Variants in UGT2B17 observed in about 807,000 individuals in gnomAD.
The protein encoded by UGT2B17 is UDP-glucuronosyltransferase 2B17.
UGT2B17 carries 21 observed loss-of-function variants against 48.2 expected under a neutral mutation model. That is an observed-to-expected ratio of 0.44 (90% CI 0.31 to 0.63). The LOEUF (loss-of-function observed/expected upper bound fraction) is 0.63, where lower values mean the gene tolerates loss of function less well. UGT2B17 is among the 20% of genes least tolerant of loss of function. The pLI is 0.08. For missense variants in UGT2B17, 402 were observed against 696.1 expected, an observed-to-expected ratio of 0.58 and a Z score of 4.75; for synonymous variants, 146 against 238.4, an observed-to-expected ratio of 0.61 and a Z score of 3.57.
In UGT2B17 at chr4:68,549,666, T is replaced by C. The variant is rs1161384841; in HGVS notation, c.1313+1011A>G. ...AGGTGATAACAAGTGTTGGGAAGAG[T>C]GTGAAGAAATTAGAGCCCTCCTATC... On this transcript the variant is annotated intron_variant, in intron 6 of 6. Transcript: ENST00000317746. 8.1e-5 allele frequency among the ~76,000 whole-genome samples: 10 copies of C among 123,726 alleles called. 3 individuals are homozygous for C. Among genetic ancestry groups the C allele is most frequent in the African/African-American group, 2.5e-4 (9 of 36,206 alleles). 81.2% of individuals were successfully genotyped at this position (123,726 alleles called of 152,430 possible). A position where few individuals can be genotyped will look rare whatever the true frequency, so the allele number is the denominator to read the frequency against.
chr4:68,571,208 A>T (rs1216784881), intron 1 of UGT2B17, among the ~76,000 whole-genome samples: 2 of 125,294 alleles, frequency 1.6e-5, no homozygotes, highest in African/African-American at 5.5e-5. Context: ...GGGGCTATTT[A>T]TCATCTTTTC....
Position 68,545,498 on chromosome 4 carries a change from C to T in UGT2B17, c.1313+5179G>A, listed in dbSNP as rs1298503467. ...GAAACATCTAAAATTGACACCCTAA[C>T]GTCACAATTAAAAGAACTAGAGAAG... is the stretch of plus-strand genomic sequence containing the variant. On this transcript the variant is annotated intron_variant, in intron 6 of 6. Transcript: ENST00000317746. 4.8e-5 allele frequency among the ~76,000 whole-genome samples: 6 copies of T among 125,056 alleles called. 2 individuals carry two copies. Among genetic ancestry groups the T allele is most frequent in the African/African-American group, 8.2e-5 (3 of 36,446 alleles). The allele number at this position is 125,056 out of a possible 152,430, so 82.0% of individuals were successfully genotyped here. A position where few individuals can be genotyped will look rare whatever the true frequency, so the allele number is the denominator to read the frequency against.
intron 4 of UGT2B17, among the ~76,000 whole-genome samples, chr4:68,555,227 A>C (rs1730980270): frequency 7.9e-6 from 1 of 126,198 alleles, no homozygotes; most frequent in African/African-American, 2.7e-5. Flanking sequence ...TTAAGGTGTC[A>C]AAATTTGACA....
At chr4:68,574,884 G>T (rs1578175023) in intron 1 of UGT2B17, among the ~76,000 whole-genome samples, 1 of 120,272 alleles carries the variant, frequency 8.3e-6, no homozygotes, top group African/African-American at 2.9e-5. Context: ...TAAACAACAA[G>T]TTAATTTATT....
At chr4:68,554,247 G>A (rs1387946989) in intron 4 of UGT2B17, among the ~76,000 whole-genome samples, 2 of 123,804 alleles carry the variant, frequency 1.6e-5, no homozygotes. Context: ...GAAAAAAAGT[G>A]GGAAACAAAT....
chr4:68,561,852 G>A (rs538702075), intron 3 of UGT2B17, among the ~76,000 whole-genome samples: 2 of 120,382 alleles, frequency 1.7e-5, no homozygotes, highest in South Asian at 4.0e-4. Context: ...TAAGTTTCCC[G>A]GATATCATAT....
chr4:68,545,944 C>G (rs1300135535), intron 6 of UGT2B17, among the ~76,000 whole-genome samples: 1 of 125,320 alleles, frequency 8.0e-6, no homozygotes, highest in Non-Finnish European at 1.7e-5. Context: ...AGCTTACCAA[C>G]CAAAAAAAGT....
rs768149657 is a variant in UGT2B17 at position 68,573,795 on chromosome 4, T to C, written c.-65+2156A>G. Among the ~76,000 whole-genome samples the C allele has an allele frequency of 8.7e-5, 11 of 126,970 alleles. 5 individuals carry two copies. In the East Asian group the frequency reaches 8.4e-3, roughly 97 times the overall value. 83.3% of individuals were successfully genotyped at this position (126,970 alleles called of 152,430 possible). On this transcript the variant is annotated intron_variant, in intron 1 of 6. Coordinates refer to ENST00000317746, the MANE Select transcript of UGT2B17 (RefSeq NM_001077.4). ...GATAAGCTCTTGAAAATTCTTAAGC[T>C]CACTGCATCCTTTTAGGTCTCCAAG...
chr4:68,547,894 TA>T (rs1232185011), intron 6 of UGT2B17, among the ~76,000 whole-genome samples: 1 of 126,190 alleles, frequency 7.9e-6, no homozygotes, highest in Non-Finnish European at 1.7e-5. Context: ...TCACCCCAGT[TA>T]GAATGGCAAT....
chr4:68,570,688 G>A lies in UGT2B17; in HGVS notation c.-64-2140C>T, dbSNP rs187223181. On this transcript the variant is annotated intron_variant, in intron 1 of 6. Transcript: ENST00000317746. ...TGCTGAAGCATTTTGTTGAACTAAG[G>A]TAGCGATGAAGCTTTTTATCATTTG... Among the ~76,000 whole-genome samples, 49 of 126,128 alleles carry A rather than the reference G, an allele frequency of 3.9e-4. 10 individuals are homozygous for A. The highest frequency in any genetic ancestry group is 1.3e-3 in the African/African-American group (47 of 36,820). 82.7% of individuals were successfully genotyped at this position (126,128 alleles called of 152,430 possible).
intron 6 of UGT2B17, among the ~76,000 whole-genome samples, chr4:68,539,863 C>T (rs1177956172): frequency 2.6e-5 from 3 of 113,768 alleles, no homozygotes; most frequent in African/African-American, 6.1e-5. Context: ...TGGCTGACTG[C>T]AACTTACGTC....
At chr4:68,567,260 T>C (rs1731217110) in intron 2 of UGT2B17, among the ~76,000 whole-genome samples, 1 of 125,962 alleles carries the variant, frequency 7.9e-6, no homozygotes, top group Non-Finnish European at 1.7e-5. Flanking sequence ...AGGCTTCTGT[T>C]TCTGGAGTAG....
At chr4:68,563,547 T>C (rs1375938098) in intron 3 of UGT2B17, among the ~76,000 whole-genome samples, 2 of 126,090 alleles carry the variant, frequency 1.6e-5, no homozygotes, top group African/African-American at 5.4e-5. Flanking sequence ...ACCTAGAGGG[T>C]GGAGGTTGCA....
rs1479890580 is a variant in UGT2B17, at chr4:68,544,395, G to T, written c.1313+6282C>A. ...AAGCATTTACAGACAAGCAAATGCTGAGAGATTTTGTCACCACCAGGCCTG... is the reference window on the plus strand; with the variant it reads ...AAGCATTTACAGACAAGCAAATGCTTAGAGATTTTGTCACCACCAGGCCTG... On this transcript the variant is annotated intron_variant, in intron 6 of 6. Transcript: ENST00000317746. Among the ~76,000 whole-genome samples, 2 of 125,634 alleles carry T rather than the reference G, an allele frequency of 1.6e-5. 1 individual carries two copies. The highest frequency in any genetic ancestry group is 3.4e-5 in the Non-Finnish European group (2 of 59,476). 82.4% of individuals were successfully genotyped at this position (125,634 alleles called of 152,430 possible).
chr4:68,567,600 G>C (rs1431456773), intron 2 of UGT2B17, among the ~76,000 whole-genome samples, 161 bp downstream of exon 2: 1 of 124,352 alleles, frequency 8.0e-6, no homozygotes, highest in Admixed American at 8.3e-5. Context: ...GATTCTATAA[G>C]GTCAACATTC....
chr4:68,548,601 G>A lies in UGT2B17; in HGVS notation c.1313+2076C>T, dbSNP rs1180131982. Among the ~76,000 whole-genome samples the A allele has an allele frequency of 5.6e-5, 7 of 124,734 alleles. 2 individuals carry two copies. Among genetic ancestry groups the A allele is most frequent in the Admixed American group, 2.5e-4 (3 of 12,024 alleles). 81.8% of individuals were successfully genotyped at this position (124,734 alleles called of 152,430 possible). A position where few individuals can be genotyped will look rare whatever the true frequency, so the allele number is the denominator to read the frequency against. The stretch of plus-strand genomic sequence containing the variant: ...AAAAAAAATTACTTTGGGCAGCATG[G>A]CCATTTTTACAATTCTGATTTTTTT... On this transcript the variant is annotated intron_variant, in intron 6 of 6. Transcript: ENST00000317746.
At chr4:68,551,731 AT>A (rs1730917224) in intron 5 of UGT2B17, 92 bp downstream of exon 5, 3 of 906,306 alleles carry the variant, frequency 3.3e-6, no homozygotes, top group Non-Finnish European at 4.4e-6. Context: ...TTTTCCAATA[AT>A]AAATGTTAAA....
chr4:68,554,873 A>T (rs1459633847), intron 4 of UGT2B17, among the ~76,000 whole-genome samples: 1 of 125,582 alleles, frequency 8.0e-6, no homozygotes, highest in Non-Finnish European at 1.7e-5. Context: ...TATGGCAAAG[A>T]GGAGTTTTTA....
Position 68,567,653 on chromosome 4 carries a change from T to C in UGT2B17, c.724+108A>G, listed in dbSNP as rs577894861. 31 of 848,932 alleles carry C rather than the reference T, an allele frequency of 3.7e-5. 10 individuals carry two copies. The South Asian group carries it at 7.3e-4, about 20-fold the overall frequency. The allele number at this position is 848,932 out of a possible 1,614,324, so 52.6% of individuals were successfully genotyped here. ...TAGATCATCTTACATTTGCAATTCA[T>C]AATTTCCCATAAAAACACTATCTTC... On this transcript the variant is annotated intron_variant, in intron 2 of 6. Coordinates refer to ENST00000317746, the MANE Select transcript of UGT2B17 (RefSeq NM_001077.4).
Sources: gnomAD v4.1 joint callset for allele counts (sites outside exome capture counted in the v4.1 genomes callset) on GRCh38, gnomAD v4.1.1 for gene constraint, MANE v1.5 for transcripts, NCBI Gene and HGNC (gene_info 2026-07-23, HGNC 2026-07-21) for gene names.